PRKCG: variants seen among roughly 807,000 people sequenced by gnomAD.
The protein encoded by PRKCG is protein kinase C gamma.
Under a neutral mutation model 82.0 loss-of-function variants are expected in PRKCG, and 28 were observed. The observed-to-expected ratio is 0.34, with a 90% CI of 0.25 to 0.47. The LOEUF is 0.47. Ranked by LOEUF, PRKCG falls within the 20% of genes least tolerant of loss-of-function variation. PRKCG has a pLI of 1.00. For synonymous variants in PRKCG, 383 were observed against 376.6 expected (o/e 1.02, Z -0.20); for missense variants, 640 against 952.7 (o/e 0.67, Z 4.32).
Position 53,889,824 on chromosome 19 carries a change from G to T in PRKCG, c.398-62G>T. ...TTCCGGGAAATGCCCGGGATGGGGT[G>T]GGGGGTGGAGTCTTGGCTTGGGGGC... is the stretch of plus-strand genomic sequence containing the variant. On this transcript the variant is annotated intron_variant, in intron 4 of 17. Coordinates refer to ENST00000263431, the MANE Select transcript of PRKCG (RefSeq NM_002739.5). The surrounding 1 kb of genome is among the most constrained non-coding windows in gnomAD (Gnocchi z 4.4). 1.3e-6 allele frequency: 2 copies of T among 1,574,900 alleles called. No individual in the cohort carries two copies. Among genetic ancestry groups the T allele is most frequent in the Admixed American group, 3.7e-5 (2 of 54,488 alleles).
chr19:53,888,196 C>G, intron 3 of PRKCG, among the ~76,000 whole-genome samples: 1 of 152,144 alleles, frequency 6.6e-6, no homozygotes, highest in East Asian at 1.9e-4. Context: ...TATTTAGAAG[C>G]CCAGCACATT....
chr19:53,889,798 G>C lies in PRKCG; in HGVS notation c.397+49G>C. On this transcript the variant is annotated intron_variant, in intron 4 of 17. Coordinates refer to ENST00000263431, the MANE Select transcript of PRKCG (RefSeq NM_002739.5). The surrounding 1 kb of genome is among the most constrained non-coding windows in gnomAD (Gnocchi z 4.4). ...GGCCCTTCCAAAGCGCCCGGTCTGG[G>C]TTCCGGGAAATGCCCGGGATGGGGT... The C allele has an allele frequency of 1.9e-6, 3 of 1,596,432 alleles. 1 individual carries two copies. The Middle Eastern group carries it at 5.0e-4, about 264-fold the overall frequency.
rs751774653 is a variant in PRKCG, at chr19:53,900,427, C to T, written c.1382C>T (p.Ala461Val). 6 of 1,614,128 alleles carry T rather than the reference C, an allele frequency of 3.7e-6. No individual in the cohort carries two copies. Among genetic ancestry groups the T allele is most frequent in the East Asian group, 2.2e-5 (1 of 44,862 alleles). ...KFKEPHAAFY[A>V]AEIAIGLFFL... is the part of the protein sequence containing the mutation. Reference sequence around the variant, plus strand: ...CCCACCCCGTCCTCCAGGTTCTACGCGGCAGAAATCGCTATCGGCCTCTTC... The same window carrying T: ...CCCACCCCGTCCTCCAGGTTCTACGTGGCAGAAATCGCTATCGGCCTCTTC... Residue 461 changes from alanine (A) to valine (V), a missense_variant, in exon 13 of 18, where the codon GCG becomes GTG. Transcript: ENST00000263431. The surrounding 1 kb of genome is among the most constrained non-coding windows in gnomAD (Gnocchi z 4.2).
At chr19:53,893,159 C>T (rs765589101) in intron 8 of PRKCG, 84 bp downstream of exon 8, 1 of 1,386,504 alleles carries the variant, frequency 7.2e-7, no homozygotes, top group African/African-American at 1.4e-5. Flanking sequence ...CCCTGAGTGC[C>T]CGCTGGTCCT....
Position 53,898,535 on chromosome 19 carries a change from G to A in PRKCG, c.1188G>A (p.Thr396=). The A allele has an allele frequency of 6.2e-7, 1 of 1,613,746 alleles. No homozygotes were observed. The highest frequency in any genetic ancestry group is 8.5e-7 in the Non-Finnish European group (1 of 1,180,000). The change falls in exon 11 of 18, where the codon ACG becomes ACA. Residue 396 remains threonine (T), a synonymous_variant. Transcript: ENST00000263431. The stretch of plus-strand genomic sequence containing the variant: ...TCCAGGACGACGATGTGGACTGCAC[G>A]CTGGTGGAGAAACGTGTGCTGGCGC... The part of the protein sequence containing the change: ...VIVQDDDVDC[T]LVEKRVLALG...
Position 53,906,376 on chromosome 19 carries a change from C to T in PRKCG, c.1824C>T (p.Ile608=), listed in dbSNP as rs1213650646. 6.4e-7 allele frequency: 1 copy of T among 1,558,042 alleles called. No homozygotes were observed. Among genetic ancestry groups the T allele is most frequent in the Admixed American group, 1.9e-5 (1 of 51,906 alleles). Residue 608 remains isoleucine (I), a synonymous_variant, in exon 17 of 18, where the codon ATC becomes ATT. Transcript: ENST00000263431. ...CAGGGCCTGATGGGGAACCTACCAT[C>T]CGTGCACATGGCTTTTTCCGCTGGA... The part of the protein sequence containing the change: ...LGSGPDGEPT[I]RAHGFFRWID...
intron 3 of PRKCG, among the ~76,000 whole-genome samples, chr19:53,887,767 T>G (rs1252768702): frequency 6.8e-6 from 1 of 147,428 alleles, no homozygotes; most frequent in Non-Finnish European, 1.5e-5. Context: ...GAGGCAGAGG[T>G]TGCAGTGAGC....
At chr19:53,891,041 G>A (rs1391422722) in intron 5 of PRKCG, among the ~76,000 whole-genome samples, 2 of 151,728 alleles carry the variant, frequency 1.3e-5, no homozygotes, top group African/African-American at 2.4e-5. Flanking sequence ...GGTGAGGACC[G>A]TGCCCGGCAA....
chr19:53,890,548 C>T lies in PRKCG; in HGVS notation c.529+531C>T, dbSNP rs2122991144. Among the ~76,000 whole-genome samples the T allele has an allele frequency of 1.3e-5, 2 of 151,718 alleles. 1 individual carries two copies. Among genetic ancestry groups the T allele is most frequent in the East Asian group, 3.9e-4 (2 of 5,094 alleles). On this transcript the variant is annotated intron_variant, in intron 5 of 17. Coordinates refer to ENST00000263431, the MANE Select transcript of PRKCG (RefSeq NM_002739.5). Reference sequence around the variant, plus strand: ...GCTGGGATTAACAGGCGTGAGCCACCGCGCCTGGCCAATGGCTTTCTTTTT... The same window carrying T: ...GCTGGGATTAACAGGCGTGAGCCACTGCGCCTGGCCAATGGCTTTCTTTTT...
In PRKCG at chr19:53,898,716, G is replaced by C. The variant is rs148930589; in HGVS notation, c.1281+88G>C. 9.4e-5 allele frequency: 117 copies of C among 1,247,416 alleles called. No individual in the cohort carries two copies. The African/African-American group carries it at 1.7e-3, about 18-fold the overall frequency. 77.3% of individuals were successfully genotyped at this position (1,247,416 alleles called of 1,614,324 possible). On this transcript the variant is annotated intron_variant, in intron 11 of 17. Transcript: ENST00000263431. ...CGTTGGGATTCTGAGTTTAGGGCGA[G>C]GCAAGAGAACTTTGTGCTCTCTGAG...
chr19:53,903,946 A>G (rs1248587310), intron 15 of PRKCG, among the ~76,000 whole-genome samples: 1 of 152,206 alleles, frequency 6.6e-6, no homozygotes, highest in Non-Finnish European at 1.5e-5. Flanking sequence ...AGGAGCTCTA[A>G]CAGTAATTTT....
At position 53,892,833 on chromosome 19, in the gene PRKCG, C is replaced by T. The variant is rs1449736492; in HGVS notation, c.822-155C>T. Among the ~76,000 whole-genome samples, 2 of 151,966 alleles carry T rather than the reference C, an allele frequency of 1.3e-5. No homozygotes were observed. The highest frequency in any genetic ancestry group is 4.8e-5 in the African/African-American group (2 of 41,372). ...CTCTATTCTTCTCTTCTTCTCCCCT[C>T]CCTTTCTCCCTCTCCCTCTCTTTTT... On this transcript the variant is annotated intron_variant, in intron 7 of 17. Coordinates refer to ENST00000263431, the MANE Select transcript of PRKCG (RefSeq NM_002739.5). This position sits in a 1 kb window ranked among gnomAD's most constrained non-coding sequence, Gnocchi z 5.9.
chr19:53,898,392 C>T (rs1346268057), intron 10 of PRKCG, 48 bp from the exon 11 acceptor site: 1 of 1,609,654 alleles, frequency 6.2e-7, no homozygotes, highest in East Asian at 2.2e-5. Flanking sequence ...AGGTCCTGTA[C>T]CACTGGGTTC....
At chr19:53,891,929 G>C (rs2068679641) in intron 6 of PRKCG, 99 bp downstream of exon 6, 5 of 1,501,854 alleles carry the variant, frequency 3.3e-6, no homozygotes, top group Non-Finnish European at 4.6e-6. Flanking sequence ...GGTTAGGATA[G>C]AGGGAACCCA....
At chr19:53,895,818 G>C (rs2068713748) in intron 9 of PRKCG, among the ~76,000 whole-genome samples, 1 of 152,162 alleles carries the variant, frequency 6.6e-6, no homozygotes, top group Non-Finnish European at 1.5e-5. Flanking sequence ...CCAGCACTTT[G>C]GGAGGCCAAG....
intron 6 of PRKCG, 97 bp downstream of exon 6, chr19:53,891,927 T>C: frequency 2.0e-6 from 3 of 1,513,408 alleles, no homozygotes; most frequent in Non-Finnish European, 2.7e-6. Flanking sequence ...GGGGTTAGGA[T>C]AGAGGGAACC....
At chr19:53,882,014 GT>G (rs1425772872), upstream of PRKCG, among the ~76,000 whole-genome samples, 1 of 152,134 alleles carries the variant, frequency 6.6e-6, no homozygotes, top group East Asian at 1.9e-4. This position sits in a 1 kb window ranked among gnomAD's most constrained non-coding sequence, Gnocchi z 6.1. Context: ...TTGCAGGGTG[GT>G]GGGGGGGAGC....
intron 3 of PRKCG, among the ~76,000 whole-genome samples, chr19:53,887,013 A>G (rs532138530): frequency 5.3e-5 from 8 of 152,284 alleles, no homozygotes; most frequent in African/African-American, 1.9e-4. Context: ...CCAATGAGGA[A>G]ACGAGTGAAT....
Position 53,884,096 on chromosome 19 carries a change from C to A in PRKCG, c.203-65C>A. 1 of 1,510,666 alleles carries A rather than the reference C, an allele frequency of 6.6e-7. No individual in the cohort carries two copies. Among genetic ancestry groups the A allele is most frequent in the Non-Finnish European group, 9.2e-7 (1 of 1,087,732 alleles). The allele number at this position is 1,510,666 out of a possible 1,614,324, so 93.6% of individuals were successfully genotyped here. On this transcript the variant is annotated intron_variant, in intron 2 of 17. Transcript: ENST00000263431. This position sits in a 1 kb window ranked among gnomAD's most constrained non-coding sequence, Gnocchi z 4.6. ...CCGCTCTCTCTTTCCAATTTTCTGT[C>A]TGCTGGGGTCTCCCGCTGGACTAAT...
Sources: allele counts gnomAD v4.1 joint callset (sites outside exome capture counted in the v4.1 genomes callset), GRCh38; gene constraint gnomAD v4.1.1; non-coding constraint Gnocchi (gnomAD v3.1); transcripts MANE v1.5; gene names NCBI Gene and HGNC (gene_info 2026-07-23, HGNC 2026-07-21).